The following SDK1 variants were observed in gnomAD, a reference collection of about 807,000 sequenced individuals.
SDK1 encodes sidekick cell adhesion molecule 1.
SDK1 carries 157 observed loss-of-function variants against 245.5 expected under a neutral mutation model. The observed-to-expected ratio is 0.64, with a 90% CI of 0.56 to 0.73. The LOEUF (loss-of-function observed/expected upper bound fraction) is 0.73, where lower values mean the gene tolerates loss of function less well. SDK1 is among the 30% of genes least tolerant of loss of function. The probability of loss-of-function intolerance (pLI) is 0.00; values close to 1 mark genes in which losing one functional copy is unlikely to be tolerated. For synonymous variants in SDK1, 1,647 were observed against 1,278.5 expected, an observed-to-expected ratio of 1.29 and a Z score of -6.15; for missense variants, 3,583 against 3,002.3, an observed-to-expected ratio of 1.19 and a Z score of -4.52.
At chr7:3,585,491 G>A (rs1010997773) in intron 1 of SDK1, among the ~76,000 whole-genome samples, 8 of 152,204 alleles carry the variant, frequency 5.3e-5, no homozygotes, top group African/African-American at 1.9e-4. Context: ...AGAGAAGGAG[G>A]CGCTCTTGAT....
chr7:4,125,008 G>A (rs1365354747), intron 25 of SDK1, among the ~76,000 whole-genome samples: 1 of 151,348 alleles, frequency 6.6e-6, no homozygotes, highest in Non-Finnish European at 1.5e-5. Context: ...ATGAGTGAAT[G>A]GATGGATGGG....
chr7:3,435,040 T>A (rs370161315), intron 1 of SDK1, among the ~76,000 whole-genome samples: 6 of 152,366 alleles, frequency 3.9e-5, no homozygotes, highest in African/African-American at 1.4e-4. Context: ...TACAAAGTTA[T>A]ATCCCAAAAG....
At chr7:3,699,930 A>G (rs1784692122) in intron 4 of SDK1, among the ~76,000 whole-genome samples, 1 of 152,068 alleles carries the variant, frequency 6.6e-6, no homozygotes, top group African/African-American at 2.4e-5. Context: ...AAGGACAAAG[A>G]AAAAAAATTC....
At chr7:3,836,267 C>T (rs1780026387) in intron 5 of SDK1, among the ~76,000 whole-genome samples, 1 of 152,162 alleles carries the variant, frequency 6.6e-6, no homozygotes, top group African/African-American at 2.4e-5. Flanking sequence ...CATCTCCAAG[C>T]CATTCAATAT....
intron 35 of SDK1, among the ~76,000 whole-genome samples, chr7:4,191,071 TTC>T (rs1783177729): frequency 6.6e-6 from 1 of 152,222 alleles, no homozygotes; most frequent in Non-Finnish European, 1.5e-5. Context: ...GTTTCCACCC[TTC>T]AGGGGATCCC....
intron 4 of SDK1, among the ~76,000 whole-genome samples, chr7:3,725,099 G>C (rs775465682): frequency 5.9e-5 from 9 of 152,174 alleles, no homozygotes; most frequent in Non-Finnish European, 1.3e-4. Flanking sequence ...TAGATCTACA[G>C]AGCTGAATCC....
intron 1 of SDK1, among the ~76,000 whole-genome samples, chr7:3,440,285 G>C (rs1467766234): frequency 6.6e-6 from 1 of 152,188 alleles, no homozygotes; most frequent in Non-Finnish European, 1.5e-5. Context: ...TTTTTCAAAT[G>C]AAGGAGTCCA....
intron 1 of SDK1, among the ~76,000 whole-genome samples, chr7:3,539,143 C>T (rs573104248): frequency 6.6e-6 from 1 of 152,238 alleles, no homozygotes; most frequent in East Asian, 1.9e-4. Context: ...ACCTGTTTGC[C>T]AGGTTGGTCA....
intron 5 of SDK1, among the ~76,000 whole-genome samples, chr7:3,888,618 G>A (rs2128101115): frequency 6.6e-6 from 1 of 152,280 alleles, no homozygotes; most frequent in Middle Eastern, 3.4e-3. Context: ...ACCACAACAG[G>A]AGTGACTTTG....
intron 17 of SDK1, among the ~76,000 whole-genome samples, chr7:4,028,299 C>G (rs138189875): frequency 1.3e-5 from 2 of 152,186 alleles, no homozygotes; most frequent in Non-Finnish European, 2.9e-5. Flanking sequence ...GACTAATAAC[C>G]ATGAGCCCCA....
rs891559943 is a variant in SDK1, at chr7:3,578,288, G to C, written c.299-40792G>C. ...ATTAAGGATTTTATTAAGGATTAAG[G>C]GGAGGGGGTGCAAGAACAGGGAGTA... On this transcript the variant is annotated intron_variant, in intron 1 of 44. Coordinates refer to ENST00000404826, the MANE Select transcript of SDK1 (RefSeq NM_152744.4). Among the ~76,000 whole-genome samples the C allele has an allele frequency of 3.3e-5, 5 of 152,034 alleles. No homozygotes were observed. In the East Asian group the frequency reaches 9.6e-4, roughly 29 times the overall value.
intron 17 of SDK1, among the ~76,000 whole-genome samples, chr7:4,032,283 A>G (rs1787876208): frequency 6.6e-6 from 1 of 152,240 alleles, no homozygotes; most frequent in Non-Finnish European, 1.5e-5. Flanking sequence ...ATTTGCCAAT[A>G]TTCAATGCCC....
intron 1 of SDK1, among the ~76,000 whole-genome samples, chr7:3,367,682 C>T (rs1406483324): frequency 6.6e-6 from 1 of 152,172 alleles, no homozygotes; most frequent in East Asian, 1.9e-4. Context: ...CCATTTATAA[C>T]TTAACTCTTC....
chr7:3,639,842 TTA>T (rs1554301074), intron 3 of SDK1, among the ~76,000 whole-genome samples: 1 of 151,560 alleles, frequency 6.6e-6, no homozygotes, highest in African/African-American at 2.4e-5. Context: ...CATATATATG[TTA>T]TATATATAAA....
intron 5 of SDK1, among the ~76,000 whole-genome samples, chr7:3,901,593 C>G (rs1457878195): frequency 2.0e-5 from 3 of 152,168 alleles, no homozygotes; most frequent in Non-Finnish European, 2.9e-5. Context: ...TGGGGACCAA[C>G]AGGTTTGTCC....
intron 1 of SDK1, among the ~76,000 whole-genome samples, chr7:3,372,618 T>A (rs1583760307): frequency 1.3e-5 from 2 of 152,146 alleles, no homozygotes; most frequent in East Asian, 3.9e-4. Context: ...AAATGAACCC[T>A]GTAACTTGCT....
rs187306510 is a variant in SDK1 at position 3,527,978 on chromosome 7, G to A, written c.299-91102G>A. On this transcript the variant is annotated intron_variant, in intron 1 of 44. Transcript: ENST00000404826. ...ATAGCTAGCGGGTGAGTGGTGGGAGGTGAGGCTGGGTGTCAGTTAGCTAGG... is the reference window on the plus strand; with the variant it reads ...ATAGCTAGCGGGTGAGTGGTGGGAGATGAGGCTGGGTGTCAGTTAGCTAGG... Among the ~76,000 whole-genome samples, 159 of 150,452 alleles carry A rather than the reference G, an allele frequency of 1.1e-3. 1 individual carries two copies. The highest frequency in any genetic ancestry group is 3.7e-3 in the African/African-American group (153 of 40,802).
chr7:3,473,568 G>A (rs932029843), intron 1 of SDK1, among the ~76,000 whole-genome samples: 1 of 152,152 alleles, frequency 6.6e-6, no homozygotes, highest in Non-Finnish European at 1.5e-5. Flanking sequence ...GACGTTGGCT[G>A]TCCTAAATGA....
intron 1 of SDK1, among the ~76,000 whole-genome samples, chr7:3,487,926 T>C (rs778813803): frequency 6.6e-6 from 1 of 152,180 alleles, no homozygotes; most frequent in Non-Finnish European, 1.5e-5. Context: ...AGTTTATTAA[T>C]GTAATGCTCT....
Sources: gnomAD v4.1 joint callset for allele counts (sites outside exome capture counted in the v4.1 genomes callset) on GRCh38, gnomAD v4.1.1 for gene constraint, MANE v1.5 for transcripts, NCBI Gene and HGNC (gene_info 2026-07-23, HGNC 2026-07-21) for gene names.